Variants in SLC71A1 observed in about 807,000 individuals in gnomAD.
SLC71A1 encodes the protein hippocampus abundant gene transcript 1.
the SLC71A1 span, chr1:100,043,194 T>C: frequency 2.0e-5 from 20 of 980,404 alleles, no homozygotes; most frequent in Non-Finnish European, 2.1e-5. Flanking sequence ...ACTGAAAGTT[T>C]AAAGTTTAAG....
the SLC71A1 span, among the ~76,000 whole-genome samples, chr1:100,059,433 G>A: frequency 6.6e-6 from 1 of 151,320 alleles, no homozygotes; most frequent in African/African-American, 2.4e-5. Flanking sequence ...TGAGATTATT[G>A]GTGCAAGTAC....
At chr1:100,055,249 G>A in the SLC71A1 span, among the ~76,000 whole-genome samples, 2 of 151,990 alleles carry the variant, frequency 1.3e-5, no homozygotes, top group Non-Finnish European at 2.9e-5. Flanking sequence ...TTTGAGTCCC[G>A]TAAAAAGTTT....
At chr1:100,073,497 C>G in the SLC71A1 span, among the ~76,000 whole-genome samples, 1 of 152,214 alleles carries the variant, frequency 6.6e-6, no homozygotes, top group Non-Finnish European at 1.5e-5. Flanking sequence ...CTTTGCATAA[C>G]TAGGTCTCTC....
the SLC71A1 span, among the ~76,000 whole-genome samples, chr1:100,047,563 C>T: frequency 6.6e-6 from 1 of 152,212 alleles, no homozygotes; most frequent in African/African-American, 2.4e-5. Flanking sequence ...GCTGGGATTA[C>T]AGGCATGCGC....
chr1:100,039,566 T>C, the SLC71A1 span, among the ~76,000 whole-genome samples: 2 of 152,268 alleles, frequency 1.3e-5, no homozygotes, highest in Admixed American at 1.3e-4. Context: ...AAGTTCTTTT[T>C]ATTGAACTTG....
chr1:100,078,581 A>G, the SLC71A1 span: 1 of 1,412,530 alleles, frequency 7.1e-7, no homozygotes, highest in South Asian at 1.2e-5. Flanking sequence ...TAATTATTTA[A>G]AAGTACAGAA....
chr1:100,049,339 G>C, the SLC71A1 span, among the ~76,000 whole-genome samples: 8 of 60,706 alleles, frequency 1.3e-4, no homozygotes, highest in Non-Finnish European at 2.8e-4. Context: ...TTTTTTTTTT[G>C]GTTACATCTT....
At chr1:100,059,416 A>G in the SLC71A1 span, among the ~76,000 whole-genome samples, 1 of 151,548 alleles carries the variant, frequency 6.6e-6, no homozygotes, top group African/African-American at 2.4e-5. Context: ...TCGACCTCCC[A>G]AAGTGTTGAG....
At chr1:100,066,055 C>G in the SLC71A1 span, among the ~76,000 whole-genome samples, 1 of 152,144 alleles carries the variant, frequency 6.6e-6, no homozygotes, top group East Asian at 1.9e-4. Context: ...GAAATGTCTG[C>G]GGTTAACAGG....
At chr1:100,057,499 C>T in the SLC71A1 span, among the ~76,000 whole-genome samples, 8 of 151,866 alleles carry the variant, frequency 5.3e-5, no homozygotes, top group Middle Eastern at 3.4e-3. Context: ...GGATTGCAGG[C>T]GCCTGCCACC....
At chr1:100,065,031 G>C in the SLC71A1 span, among the ~76,000 whole-genome samples, 3 of 151,960 alleles carry the variant, frequency 2.0e-5, no homozygotes, top group Non-Finnish European at 4.4e-5. Context: ...CGAGTAGCTG[G>C]GACTACTAAT....
At chr1:100,053,360 C>T in the SLC71A1 span, among the ~76,000 whole-genome samples, 3 of 152,048 alleles carry the variant, frequency 2.0e-5, no homozygotes, top group Non-Finnish European at 4.4e-5. Context: ...GTCTGTTAAT[C>T]TTTAAACATT....
chr1:100,057,412 T>C, the SLC71A1 span, among the ~76,000 whole-genome samples: 1 of 151,094 alleles, frequency 6.6e-6, no homozygotes, highest in Non-Finnish European at 1.5e-5. Context: ...TGGAGTGTGG[T>C]GGCACGATCT....
chr1:100,043,289 C>T, the SLC71A1 span: 1 of 619,842 alleles, frequency 1.6e-6, no homozygotes, highest in Non-Finnish European at 2.0e-6. Context: ...CTCTGATTGT[C>T]TTTTAGCATT....
the SLC71A1 span, among the ~76,000 whole-genome samples, chr1:100,071,149 T>G: frequency 6.6e-6 from 1 of 151,856 alleles, no homozygotes; most frequent in Non-Finnish European, 1.5e-5. Context: ...TATATAAAAA[T>G]GGCTTTAAAA....
chr1:100,079,645 C>T, the SLC71A1 span: 1 of 152,308 alleles, frequency 6.6e-6, no homozygotes, highest in Non-Finnish European at 1.5e-5. Flanking sequence ...CTTTGGGAGG[C>T]CAAGGCTGGT....
the SLC71A1 span, chr1:100,082,185 T>C: frequency 6.2e-7 from 1 of 1,613,910 alleles, no homozygotes; most frequent in Non-Finnish European, 8.5e-7. Context: ...CCAAAGAACC[T>C]TTACTCCAGG....
the SLC71A1 span, among the ~76,000 whole-genome samples, chr1:100,066,635 T>A: frequency 0.01 from 1,596 of 152,230 alleles, 16 homozygotes; most frequent in Middle Eastern, 0.058. Context: ...TGACTGGCAG[T>A]CAAGGAGGGG....
the SLC71A1 span, chr1:100,038,179 G>A: frequency 3.4e-6 from 5 of 1,485,044 alleles, no homozygotes; most frequent in Non-Finnish European, 9.2e-7. Flanking sequence ...CTAGCTGCTG[G>A]GGCCTGCCGC....
Sources: gnomAD v4.1 joint callset for allele counts (sites outside exome capture counted in the v4.1 genomes callset) on GRCh38, gnomAD v4.1.1 for gene constraint, MANE v1.5 for transcripts, NCBI Gene and HGNC (gene_info 2026-07-23, HGNC 2026-07-21) for gene names.